The following BTBD1 variants were observed in gnomAD, a reference collection of about 807,000 sequenced individuals.
BTBD1 encodes the protein BTB/POZ domain-containing protein 1.
A neutral mutation model predicts 48.0 loss-of-function variants in BTBD1; 34 were observed. The ratio of observed to expected loss-of-function variants is 0.71; its 90% CI spans 0.54 to 0.94. BTBD1 has a LOEUF of 0.94. Ranked by LOEUF, BTBD1 falls within the 40% of genes least tolerant of loss-of-function variation. BTBD1 has a pLI of 0.00. For synonymous variants in BTBD1, 261 were observed against 242.1 expected (o/e 1.08, Z -0.72); for missense variants, 543 against 625.6 (o/e 0.87, Z 1.41).
chr15:83,055,931 G>GT (rs1212622278), intron 2 of BTBD1, among the ~76,000 whole-genome samples: 1 of 152,038 alleles, frequency 6.6e-6, no homozygotes, highest in Non-Finnish European at 1.5e-5. Context: ...ATTCAGCACC[G>GT]TATTAACTCT....
intron 4 of BTBD1, among the ~76,000 whole-genome samples, chr15:83,035,678 ACCCCAG>A (rs1008125414): frequency 6.6e-5 from 10 of 152,022 alleles, no homozygotes; most frequent in Admixed American, 2.0e-4. Context: ...AAAATAAATA[ACCCCAG>A]CAAATTAAAA....
intron 5 of BTBD1, among the ~76,000 whole-genome samples, chr15:83,025,730 A>G (rs1235857039): frequency 1.3e-5 from 2 of 152,234 alleles, no homozygotes; most frequent in East Asian, 3.9e-4. Flanking sequence ...ATTCTTTTAC[A>G]TTATAATTTT....
At chr15:83,053,656 A>T (rs537986335) in intron 2 of BTBD1, among the ~76,000 whole-genome samples, 2 of 152,352 alleles carry the variant, frequency 1.3e-5, no homozygotes, top group Non-Finnish European at 2.9e-5. Flanking sequence ...AATCTTATGA[A>T]TATCAACTTA....
chr15:83,055,226 G>A (rs1487908446), intron 2 of BTBD1, among the ~76,000 whole-genome samples: 1 of 151,334 alleles, frequency 6.6e-6, no homozygotes, highest in East Asian at 1.9e-4. Flanking sequence ...TGTTCGGTTT[G>A]TAAAAATTCA....
chr15:83,022,020 G>A (rs2032309729), intron 5 of BTBD1, among the ~76,000 whole-genome samples: 2 of 151,988 alleles, frequency 1.3e-5, no homozygotes, highest in South Asian at 4.1e-4. Context: ...ATCTGGTACA[G>A]TAAGATCACC....
At chr15:83,048,780 A>G (rs1435079439) in intron 3 of BTBD1, among the ~76,000 whole-genome samples, 1 of 152,230 alleles carries the variant, frequency 6.6e-6, no homozygotes, top group Non-Finnish European at 1.5e-5. Flanking sequence ...GCTTCTAAAT[A>G]AAGACTCAAA....
chr15:83,028,312 ATTGTTTT>A (rs2032451553), intron 5 of BTBD1, among the ~76,000 whole-genome samples: 1 of 152,168 alleles, frequency 6.6e-6, no homozygotes, highest in Admixed American at 6.5e-5. Context: ...TTGAAATTAA[ATTGTTTT>A]TCTTCTTTGA....
At chr15:83,035,400 T>C (rs1241443767) in intron 4 of BTBD1, among the ~76,000 whole-genome samples, 1 of 152,172 alleles carries the variant, frequency 6.6e-6, no homozygotes, top group East Asian at 1.9e-4. Flanking sequence ...GAATATATTT[T>C]CTGACTATAC....
chr15:83,059,623 C>A (rs2033145512), intron 1 of BTBD1, among the ~76,000 whole-genome samples: 1 of 152,240 alleles, frequency 6.6e-6, no homozygotes, highest in African/African-American at 2.4e-5. Context: ...CTCATTGTCA[C>A]TCCGGGTGGA....
At chr15:83,057,889 A>G (rs1325979515) in intron 1 of BTBD1, among the ~76,000 whole-genome samples, 1 of 152,242 alleles carries the variant, frequency 6.6e-6, no homozygotes, top group Non-Finnish European at 1.5e-5. Context: ...AGCTCTGTGT[A>G]TGTGGGAGGC....
rs774268474 is a variant in BTBD1, at chr15:83,056,473, G to T, written c.474C>A (p.Tyr158Ter). The change falls in exon 2 of 8, where the codon TAC becomes TAA. Residue 158 changes from tyrosine (Y) to a stop codon, truncating the protein, a stop_gained. Coordinates refer to ENST00000261721, the MANE Select transcript of BTBD1 (RefSeq NM_025238.4). LOFTEE classifies it high-confidence loss of function. ...VMTTLYTAKK[Y>*]AVPALEAHCV... ...AGTGTGCTTCCAAGGCTGGGACTGC[G>T]TATTTCTTGGCAGTATAAAGAGTGG... is the stretch of plus-strand genomic sequence containing the variant. 6.2e-7 allele frequency: 1 copy of T among 1,612,050 alleles called. No homozygotes were observed. Among genetic ancestry groups the T allele is most frequent in the South Asian group, 1.1e-5 (1 of 91,042 alleles).
At chr15:83,056,235 C>G (rs8038107) in intron 2 of BTBD1, among the ~76,000 whole-genome samples, 154 bp downstream of exon 2, 105,064 of 152,044 alleles carry the variant, frequency 0.69, 37,848 homozygotes, top group African/African-American at 0.9. Flanking sequence ...TAAAATCTTA[C>G]ATATCTGACA....
chr15:83,021,729 G>C (rs563694858), intron 5 of BTBD1, among the ~76,000 whole-genome samples: 1 of 107,094 alleles, frequency 9.3e-6, no homozygotes, highest in Admixed American at 9.2e-5. Context: ...GTGACAGAGC[G>C]AGACTCCTTC....
intron 1 of BTBD1, among the ~76,000 whole-genome samples, chr15:83,063,998 A>G (rs1301640248): frequency 6.6e-6 from 1 of 152,230 alleles, no homozygotes; most frequent in East Asian, 1.9e-4. Flanking sequence ...TACAACAGCC[A>G]TTCGCTGTTT....
intron 4 of BTBD1, among the ~76,000 whole-genome samples, chr15:83,041,051 C>T (rs917033903): frequency 1.3e-5 from 2 of 150,288 alleles, no homozygotes; most frequent in South Asian, 2.1e-4. Flanking sequence ...ATTTGGGAGG[C>T]TGAGGTGGGA....
chr15:83,066,670 G>C (rs1370718434), intron 1 of BTBD1, 81 bp downstream of exon 1: 6 of 1,265,130 alleles, frequency 4.7e-6, no homozygotes, highest in Non-Finnish European at 6.0e-6. Flanking sequence ...CCGGGAGTCC[G>C]GGTAGGCCGG....
At chr15:83,066,419 C>A (rs2033271190) in intron 1 of BTBD1, among the ~76,000 whole-genome samples, 1 of 152,222 alleles carries the variant, frequency 6.6e-6, no homozygotes, top group African/African-American at 2.4e-5. Context: ...ATCAGGACAA[C>A]CTGATCTGCC....
intron 5 of BTBD1, among the ~76,000 whole-genome samples, chr15:83,025,397 T>C (rs2032386551): frequency 6.8e-6 from 1 of 147,088 alleles, no homozygotes; most frequent in East Asian, 2.0e-4. Context: ...TGCCAAGCCA[T>C]TCTCCACTAC....
At chr15:83,028,222 A>G (rs993899161) in intron 5 of BTBD1, among the ~76,000 whole-genome samples, 3 of 152,234 alleles carry the variant, frequency 2.0e-5, no homozygotes, top group Admixed American at 6.5e-5. Context: ...ATGTCAAACA[A>G]GTATTCTTCT....
Sources: allele counts gnomAD v4.1 joint callset (sites outside exome capture counted in the v4.1 genomes callset), GRCh38; gene constraint gnomAD v4.1.1; transcripts MANE v1.5; gene names NCBI Gene and HGNC (gene_info 2026-07-23, HGNC 2026-07-21).